The following DENND4B variants were observed in gnomAD, a reference collection of about 807,000 sequenced individuals.
DENND4B encodes the protein DENN domain-containing protein 4B.
In DENND4B, 67 loss-of-function variants were observed where a neutral mutation model predicts 161.0. The observed-to-expected ratio is 0.42, with a 90% CI of 0.34 to 0.51. The LOEUF is 0.51. Ranked by LOEUF, DENND4B falls within the 20% of genes least tolerant of loss-of-function variation. DENND4B has a pLI of 0.08. For missense variants in DENND4B, 1,481 were observed against 1,968.0 expected (o/e 0.75, Z 4.68); for synonymous variants, 753 against 813.8 (o/e 0.93, Z 1.27).
In DENND4B at chr1:153,944,063, C is replaced by A; in HGVS notation, c.312G>T (p.Glu104Asp). ...RRGRDKPPLV[E>D]LGVLYEGKER... ...GCATGGGTAGGGGCACACACCCCAG[C>A]TCAACGAGGGGGGGCTTGTCACGGC... Residue 104 changes from glutamate (E) to aspartate (D), a missense_variant, in exon 2 of 28, where the codon GAG (glutamate) becomes GAT (aspartate). Coordinates refer to ENST00000361217, the MANE Select transcript of DENND4B (RefSeq NM_014856.3). The surrounding 1 kb of genome is among the most constrained non-coding windows in gnomAD (Gnocchi z 4.8). The A allele has an allele frequency of 6.4e-7, 1 of 1,564,488 alleles. No homozygotes were observed. The highest frequency in any genetic ancestry group is 8.7e-7 in the Non-Finnish European group (1 of 1,152,500).
In DENND4B at chr1:153,930,630, T is replaced by C. The variant is rs2101993627; in HGVS notation, c.4281-27A>G. On this transcript the variant is annotated intron_variant, in intron 26 of 27. Transcript: ENST00000361217. The surrounding 1 kb of genome is among the most constrained non-coding windows in gnomAD (Gnocchi z 4.7). ...TTTAGTGGAGGCAGAAGTGTATGAG[T>C]GAGAGAAAAGGGGTGTGGAGCCCCG... 6.2e-7 allele frequency: 1 copy of C among 1,613,402 alleles called. No individual in the cohort carries two copies. The highest frequency in any genetic ancestry group is 8.5e-7 in the Non-Finnish European group (1 of 1,179,744).
chr1:153,937,250 G>A lies in DENND4B; in HGVS notation c.2232+238C>T, dbSNP rs1679397595. 6.6e-6 allele frequency among the ~76,000 whole-genome samples: 1 copy of A among 152,230 alleles called. No homozygotes were observed. The highest frequency in any genetic ancestry group is 2.1e-4 in the South Asian group (1 of 4,832). ...ATGGGCAGGTGCCCTAGAAGACATGGCCAGCCCCTGGATTCCCAGAGTGCT... is the reference window on the plus strand; with the variant it reads ...ATGGGCAGGTGCCCTAGAAGACATGACCAGCCCCTGGATTCCCAGAGTGCT... On this transcript the variant is annotated intron_variant, in intron 15 of 27. Transcript: ENST00000361217. This position sits in a 1 kb window ranked among gnomAD's most constrained non-coding sequence, Gnocchi z 4.7.
rs1018785451 is a variant in DENND4B at position 153,936,203 on chromosome 1, G to A, written c.2440-15C>T. The stretch of plus-strand genomic sequence containing the variant: ...CGGTAACACACCTGGGCCAGGAGAG[G>A]CACAGGACAATGGGAGACTCACTCT... On this transcript the variant is annotated splice_polypyrimidine_tract_variant and intron_variant, in intron 16 of 27. Transcript: ENST00000361217. The surrounding 1 kb of genome is among the most constrained non-coding windows in gnomAD (Gnocchi z 4.1). 2.0e-5 allele frequency: 32 copies of A among 1,597,820 alleles called. No homozygotes were observed. Among genetic ancestry groups the A allele is most frequent in the Non-Finnish European group, 2.6e-5 (31 of 1,172,438 alleles).
intron 6 of DENND4B, 95 bp downstream of exon 6, chr1:153,941,774 A>AGGGGG: frequency 5.5e-5 from 34 of 618,060 alleles, no homozygotes; most frequent in Middle Eastern, 5.8e-4. Flanking sequence ...CCCTGTGCCC[A>AGGGGG]GCCCTCCCCC....
In DENND4B at chr1:153,940,279, A is replaced by G; in HGVS notation, c.1503-23T>C. On this transcript the variant is annotated intron_variant, in intron 10 of 27. Transcript: ENST00000361217. This position sits in a 1 kb window ranked among gnomAD's most constrained non-coding sequence, Gnocchi z 5.6. The stretch of plus-strand genomic sequence containing the variant: ...GTCCTGTGAGAAAAGCATAAGGGGA[A>G]AGAGTGGCGAGGCTCTGGGATAGGG... The G allele has an allele frequency of 6.3e-7, 1 of 1,580,174 alleles. No individual in the cohort carries two copies. Among genetic ancestry groups the G allele is most frequent in the Non-Finnish European group, 8.6e-7 (1 of 1,163,270 alleles).
Position 153,936,451 on chromosome 1 carries a change from T to C in DENND4B, c.2439+91A>G. The C allele has an allele frequency of 7.2e-7, 1 of 1,379,498 alleles. No homozygotes were observed. The highest frequency in any genetic ancestry group is 9.7e-7 in the Non-Finnish European group (1 of 1,027,510). The allele number at this position is 1,379,498 out of a possible 1,614,324, so 85.5% of individuals were successfully genotyped here. On this transcript the variant is annotated intron_variant, in intron 16 of 27. Coordinates refer to ENST00000361217, the MANE Select transcript of DENND4B (RefSeq NM_014856.3). This position sits in a 1 kb window ranked among gnomAD's most constrained non-coding sequence, Gnocchi z 4.1. ...TCTGGGGCTCTGCAACTTCTTTCCT[T>C]AGTCTCCACCAAGTTTCCCTCTCAC...
In DENND4B at chr1:153,936,270, C is replaced by T; in HGVS notation, c.2440-82G>A. 1 of 1,515,454 alleles carries T rather than the reference C, an allele frequency of 6.6e-7. No individual in the cohort carries two copies. Among genetic ancestry groups the T allele is most frequent in the Non-Finnish European group, 8.9e-7 (1 of 1,125,058 alleles). 93.9% of individuals were successfully genotyped at this position (1,515,454 alleles called of 1,614,324 possible). A position where few individuals can be genotyped will look rare whatever the true frequency, so the allele number is the denominator to read the frequency against. Reference sequence around the variant, plus strand: ...CTCAGCAAGCACCCTCTTCCTGCCTCCCCAATTCTCACAGACATCACTGGC... The same window carrying T: ...CTCAGCAAGCACCCTCTTCCTGCCTTCCCAATTCTCACAGACATCACTGGC... On this transcript the variant is annotated intron_variant, in intron 16 of 27. Coordinates refer to ENST00000361217, the MANE Select transcript of DENND4B (RefSeq NM_014856.3). This position sits in a 1 kb window ranked among gnomAD's most constrained non-coding sequence, Gnocchi z 4.1.
rs371943838 is a variant in DENND4B at position 153,938,869 on chromosome 1, G to A, written c.1965+31C>T. On this transcript the variant is annotated intron_variant, in intron 13 of 27. Coordinates refer to ENST00000361217, the MANE Select transcript of DENND4B (RefSeq NM_014856.3). ...CAGAGACAATGAGGGAGACAGCAGA[G>A]GCCAATGAGCACATAGAGAAGGGAT... The A allele has an allele frequency of 4.7e-5, 74 of 1,561,646 alleles. 1 individual carries two copies. In the African/African-American group the frequency reaches 7.2e-4, roughly 15 times the overall value.
chr1:153,937,345 C>CT lies in DENND4B; in HGVS notation c.2232+142dup. ...AGCAACTAATGTTTATACAGGGTTG[C>CT]TTATGTGCCAAGCACATTTAAACTC... On this transcript the variant is annotated intron_variant, in intron 15 of 27. Transcript: ENST00000361217. The surrounding 1 kb of genome is among the most constrained non-coding windows in gnomAD (Gnocchi z 4.7). The CT allele has an allele frequency of 8.2e-7, 1 of 1,221,808 alleles. No homozygotes were observed. The highest frequency in any genetic ancestry group is 1.8e-5 in the South Asian group (1 of 55,072). 75.7% of individuals were successfully genotyped at this position (1,221,808 alleles called of 1,614,324 possible).
At position 153,932,150 on chromosome 1, in the gene DENND4B, G is replaced by T; in HGVS notation, c.3996+54C>A. On this transcript the variant is annotated intron_variant, in intron 24 of 27. Coordinates refer to ENST00000361217, the MANE Select transcript of DENND4B (RefSeq NM_014856.3). The surrounding 1 kb of genome is among the most constrained non-coding windows in gnomAD (Gnocchi z 5.8). The stretch of plus-strand genomic sequence containing the variant: ...AGTGCCAAGGACACAGTGGACAAAT[G>T]GCTGAGAGATGAGGGAGGCACTTAG... 1 of 1,497,298 alleles carries T rather than the reference G, an allele frequency of 6.7e-7. No individual in the cohort carries two copies. Among genetic ancestry groups the T allele is most frequent in the Non-Finnish European group, 9.2e-7 (1 of 1,090,408 alleles). The allele number at this position is 1,497,298 out of a possible 1,614,324, so 92.8% of individuals were successfully genotyped here. A position where few individuals can be genotyped will look rare whatever the true frequency, so the allele number is the denominator to read the frequency against.
Position 153,932,252 on chromosome 1 carries a change from A to G in DENND4B, c.3948T>C (p.Ile1316=), listed in dbSNP as rs759144356. The part of the protein sequence containing the change: ...WYFQRLRLPS[I]LPGLVLASCD... ...AGGAGGCCAGCACCAGGCCTGGTAGAATACTGGGCAGGCGTAGCCGTTGGA... is the reference window on the plus strand; with the variant it reads ...AGGAGGCCAGCACCAGGCCTGGTAGGATACTGGGCAGGCGTAGCCGTTGGA... The change falls in exon 24 of 28, where the codon ATT becomes ATC. Residue 1316 remains isoleucine, a synonymous_variant. Transcript: ENST00000361217. The surrounding 1 kb of genome is among the most constrained non-coding windows in gnomAD (Gnocchi z 5.8). 2.5e-6 allele frequency: 4 copies of G among 1,613,866 alleles called. No homozygotes were observed. The highest frequency in any genetic ancestry group is 4.5e-5 in the East Asian group (2 of 44,892).
In DENND4B at chr1:153,943,346, T is replaced by A. The variant is rs181785516; in HGVS notation, c.318-216A>T. On this transcript the variant is annotated intron_variant, in intron 2 of 27. Coordinates refer to ENST00000361217, the MANE Select transcript of DENND4B (RefSeq NM_014856.3). ...GGCCTTATTTCATGGTCAGCAACAATCCTGCATGCCTTCTATGGCTCTCAT... is the reference window on the plus strand; with the variant it reads ...GGCCTTATTTCATGGTCAGCAACAAACCTGCATGCCTTCTATGGCTCTCAT... 4.6e-5 allele frequency among the ~76,000 whole-genome samples: 7 copies of A among 152,288 alleles called. No individual in the cohort carries two copies. The East Asian group carries it at 1.4e-3, about 29-fold the overall frequency.
rs1233932786 is a variant in DENND4B at position 153,932,167 on chromosome 1, G to C, written c.3996+37C>G. ...GGACAAATGGCTGAGAGATGAGGGA[G>C]GCACTTAGGAAACAGGGGCCACATG... On this transcript the variant is annotated intron_variant, in intron 24 of 27. Transcript: ENST00000361217. This position sits in a 1 kb window ranked among gnomAD's most constrained non-coding sequence, Gnocchi z 5.8. 6.4e-7 allele frequency: 1 copy of C among 1,563,174 alleles called. No homozygotes were observed. The highest frequency in any genetic ancestry group is 8.8e-7 in the Non-Finnish European group (1 of 1,140,586).
rs1025808792 is a variant in DENND4B, at chr1:153,942,201, C to T, written c.796G>A (p.Ala266Thr). The T allele has an allele frequency of 1.9e-6, 3 of 1,613,886 alleles. No homozygotes were observed. Among genetic ancestry groups the T allele is most frequent in the African/African-American group, 1.3e-5 (1 of 74,930 alleles). ...CACACACCCACCTTATCACCAGCTG[C>T]ACCCGTGAGCACAAAGGTGGAGAAG... ...PVFSTFVLTG[A>T]AGDKVYGAAL... Residue 266 changes from alanine (A) to threonine (T), a missense_variant, in exon 5 of 28, where the codon GCA becomes ACA. Transcript: ENST00000361217. This position sits in a 1 kb window ranked among gnomAD's most constrained non-coding sequence, Gnocchi z 6.9.
chr1:153,935,043 C>T (rs1184530288), intron 17 of DENND4B, 79 bp from the exon 18 acceptor site: 2 of 1,568,038 alleles, frequency 1.3e-6, no homozygotes, highest in Non-Finnish European at 1.7e-6. Context: ...GTCTTGGAGC[C>T]CCAGGGACCG....
rs1302185461 is a variant in DENND4B, at chr1:153,932,447, G to A, written c.3760-7C>T. The A allele has an allele frequency of 6.3e-7, 1 of 1,599,314 alleles. No individual in the cohort carries two copies. The highest frequency in any genetic ancestry group is 2.3e-5 in the East Asian group (1 of 44,070). ...CAACCCGCCGGGAGGCTCCCTATCA[G>A]GCACAAAGGGGGAGGGCAGTAGAGG... On this transcript the variant is annotated splice_polypyrimidine_tract_variant and splice_region_variant and intron_variant, in intron 23 of 27. Transcript: ENST00000361217. This position sits in a 1 kb window ranked among gnomAD's most constrained non-coding sequence, Gnocchi z 5.8.
rs1277473241 is a variant in DENND4B, at chr1:153,946,620, C to T, written c.-343G>A. 2 of 385,850 alleles carry T rather than the reference C, an allele frequency of 5.2e-6. No individual in the cohort carries two copies. Among genetic ancestry groups the T allele is most frequent in the South Asian group, 1.3e-4 (1 of 7,676 alleles). The allele number at this position is 385,850 out of a possible 1,614,324, so 23.9% of individuals were successfully genotyped here. A position where few individuals can be genotyped will look rare whatever the true frequency, so the allele number is the denominator to read the frequency against. Reference sequence around the variant, plus strand: ...GGACCCAGCGTTCCTCCGCGCGCCCCGCTTTCTCTACTCCCCCAACCCCCG... The same window carrying T: ...GGACCCAGCGTTCCTCCGCGCGCCCTGCTTTCTCTACTCCCCCAACCCCCG... On this transcript the variant is annotated 5_prime_UTR_variant, in exon 1 of 28. Transcript: ENST00000361217. The surrounding 1 kb of genome is among the most constrained non-coding windows in gnomAD (Gnocchi z 6.3).
In DENND4B at chr1:153,941,885, G is replaced by A. The variant is rs749288468; in HGVS notation, c.1039C>T (p.Arg347Cys). The A allele has an allele frequency of 1.1e-5, 18 of 1,611,950 alleles. No homozygotes were observed. Among genetic ancestry groups the A allele is most frequent in the Admixed American group, 1.0e-4 (6 of 59,986 alleles). ...CATGCTCACGCTTCCAAGGGTAGGC[G>A]GTGGGGGCCTGAGACGGAGTAGCGG... Reference protein sequence around the residue: ...LYRYSVSGPHRLPLEAHISHF... With the variant: ...LYRYSVSGPHCLPLEAHISHF... Residue 347 changes from arginine (R) to cysteine (C), a missense_variant, in exon 6 of 28, where the codon CGC (arginine) becomes TGC (cysteine). By Grantham distance (180) the Arg-to-Cys change is radical. Coordinates refer to ENST00000361217, the MANE Select transcript of DENND4B (RefSeq NM_014856.3).
At chr1:153,939,183 A>T in intron 12 of DENND4B, 138 bp from the exon 13 acceptor site, 2 of 1,066,110 alleles carry the variant, frequency 1.9e-6, no homozygotes, top group Non-Finnish European at 2.7e-6. Flanking sequence ...TGGCACAACT[A>T]CCCTAATACC....
Sources: allele counts gnomAD v4.1 joint callset (sites outside exome capture counted in the v4.1 genomes callset), GRCh38; gene constraint gnomAD v4.1.1; non-coding constraint Gnocchi (gnomAD v3.1); transcripts MANE v1.5; gene names NCBI Gene and HGNC (gene_info 2026-07-23, HGNC 2026-07-21).